LCMT1: variants seen among roughly 807,000 people sequenced by gnomAD.
The protein encoded by LCMT1 is leucine carboxyl methyltransferase 1, also known as [Phosphatase 2A protein]-leucine-carboxy methyltransferase 1.
A neutral mutation model predicts 47.7 loss-of-function variants in LCMT1; 32 were observed. That is an observed-to-expected ratio of 0.67 (90% CI 0.51 to 0.90). LCMT1 has a LOEUF of 0.90. Among genes scored for constraint, LCMT1 ranks in the 40% least tolerant of loss-of-function variants. The probability of loss-of-function intolerance (pLI) is 0.00; values close to 1 mark genes in which losing one functional copy is unlikely to be tolerated. For missense variants in LCMT1, 375 were observed against 415.2 expected, an observed-to-expected ratio of 0.90 and a Z score of 0.84; for synonymous variants, 152 against 149.7, an observed-to-expected ratio of 1.02 and a Z score of -0.11.
In LCMT1 at chr16:25,140,598, C is replaced by G. The variant is rs185661374; in HGVS notation, c.404+351C>G. On this transcript the variant is annotated intron_variant, in intron 4 of 10. Transcript: ENST00000399069. ...CTGTCTTGTTGGCTCCCTGAAGAGG[C>G]TTGCAGAGATGTTTTTATTAGCGAA... The G allele has an allele frequency of 1.3e-3, 297 of 227,830 alleles. 3 individuals are homozygous for G. Among genetic ancestry groups the G allele is most frequent in the African/African-American group, 6.4e-3 (288 of 44,872 alleles). 14.1% of individuals were successfully genotyped at this position (227,830 alleles called of 1,614,324 possible). A position where few individuals can be genotyped will look rare whatever the true frequency, so the allele number is the denominator to read the frequency against.
intron 6 of LCMT1, 68 bp from the exon 7 acceptor site, chr16:25,164,530 T>G (rs1961528667): frequency 6.2e-7 from 1 of 1,602,652 alleles, no homozygotes; most frequent in African/African-American, 1.3e-5. Flanking sequence ...TACTGCAACA[T>G]GTGTACAATT....
intron 1 of LCMT1, among the ~76,000 whole-genome samples, chr16:25,124,599 C>T (rs1480255198): frequency 6.6e-6 from 1 of 152,220 alleles, no homozygotes; most frequent in Non-Finnish European, 1.5e-5. Context: ...GTCAATGAGG[C>T]ACCAGGCTTG....
intron 4 of LCMT1, chr16:25,141,501 A>G (rs1162814403): frequency 5.9e-5 from 9 of 152,236 alleles, no homozygotes; most frequent in Admixed American, 5.9e-4. Flanking sequence ...ACATGCCACC[A>G]AGGCCACCTA....
intron 1 of LCMT1, among the ~76,000 whole-genome samples, chr16:25,113,065 C>T (rs774633436): frequency 6.4e-5 from 9 of 139,816 alleles, no homozygotes; most frequent in Non-Finnish European, 1.1e-4. Flanking sequence ...CATTTGAACC[C>T]GGGAGGCAGA....
At position 25,132,410 on chromosome 16, in the gene LCMT1, G is replaced by T; in HGVS notation, c.214G>T (p.Ala72Ser). ...KAPEINRGYF[A>S]RVHGVSQLIK... is the part of the protein sequence containing the mutation. ...CCTCCCCTCCCCCCTAGGATATTTTGCTCGAGTCCATGGTGTCAGTCAGCT... is the reference window on the plus strand; with the variant it reads ...CCTCCCCTCCCCCCTAGGATATTTTTCTCGAGTCCATGGTGTCAGTCAGCT... Residue 72 changes from alanine to serine, a missense_variant, in exon 3 of 11, where the codon GCT (alanine) becomes TCT (serine). By Grantham distance (99) the Ala-to-Ser change is moderately conservative. Coordinates refer to ENST00000399069, the MANE Select transcript of LCMT1 (RefSeq NM_016309.3). 6.2e-7 allele frequency: 1 copy of T among 1,613,568 alleles called. No individual in the cohort carries two copies. Among genetic ancestry groups the T allele is most frequent in the Non-Finnish European group, 8.5e-7 (1 of 1,179,788 alleles).
chr16:25,118,060 C>T (rs934809128), intron 1 of LCMT1, among the ~76,000 whole-genome samples: 1 of 152,180 alleles, frequency 6.6e-6, no homozygotes, highest in Non-Finnish European at 1.5e-5. Context: ...CAAATGGGCT[C>T]TCCCGATCTC....
chr16:25,147,698 A>G (rs1256108687), intron 4 of LCMT1: 1 of 151,978 alleles, frequency 6.6e-6, no homozygotes, highest in East Asian at 1.9e-4. Flanking sequence ...ATTAAAAAAA[A>G]AATTTGATTT....
At chr16:25,120,631 T>C (rs1226148288) in intron 1 of LCMT1, among the ~76,000 whole-genome samples, 1 of 151,998 alleles carries the variant, frequency 6.6e-6, no homozygotes, top group East Asian at 1.9e-4. Flanking sequence ...GGTTTCACCA[T>C]GTAGCCAGTC....
rs997503010 is a variant in LCMT1, at chr16:25,178,158, A to C, written c.*135A>C. On this transcript the variant is annotated 3_prime_UTR_variant, in exon 11 of 11. Transcript: ENST00000399069. ...ACTCTTGAGAAGCCTTGGTCACTAC[A>C]GTGGTCGCACATGTTCCTCTTCCTG... is the stretch of plus-strand genomic sequence containing the variant. 1.4e-6 allele frequency: 1 copy of C among 731,418 alleles called. No individual in the cohort carries two copies. Among genetic ancestry groups the C allele is most frequent in the Admixed American group, 2.5e-5 (1 of 40,404 alleles). 45.3% of individuals were successfully genotyped at this position (731,418 alleles called of 1,614,324 possible). A position where few individuals can be genotyped will look rare whatever the true frequency, so the allele number is the denominator to read the frequency against.
Position 25,132,417 on chromosome 16 carries a change from T to C in LCMT1, c.221T>C (p.Val74Ala), listed in dbSNP as rs1164643981. 6.2e-7 allele frequency: 1 copy of C among 1,613,626 alleles called. No homozygotes were observed. Residue 74 changes from valine (V) to alanine (A), a missense_variant, in exon 3 of 11, where the codon GTC becomes GCC. By Grantham distance (64) the Val-to-Ala change is moderately conservative. Coordinates refer to ENST00000399069, the MANE Select transcript of LCMT1 (RefSeq NM_016309.3). The part of the protein sequence containing the change: ...PEINRGYFAR[V>A]HGVSQLIKAF... ...TCCCCCCTAGGATATTTTGCTCGAG[T>C]CCATGGTGTCAGTCAGCTTATAAAG...
At chr16:25,139,918 G>C in intron 3 of LCMT1, 1 of 440,400 alleles carries the variant, frequency 2.3e-6, no homozygotes. Context: ...CCACCTGCTA[G>C]CTCAGGCTCC....
intron 1 of LCMT1, among the ~76,000 whole-genome samples, chr16:25,116,519 C>T (rs1959789721): frequency 6.6e-6 from 1 of 152,016 alleles, no homozygotes; most frequent in Non-Finnish European, 1.5e-5. Context: ...TGGGTGCCAG[C>T]CAGCTTCCAA....
At chr16:25,154,664 A>G (rs1179660589) in intron 5 of LCMT1, among the ~76,000 whole-genome samples, 13 of 151,030 alleles carry the variant, frequency 8.6e-5, no homozygotes, top group East Asian at 2.0e-4. Flanking sequence ...TTTTTTTTGT[A>G]TTTTTAGTAG....
Position 25,120,227 on chromosome 16 carries a change from TG to T in LCMT1, c.113+8232del, listed in dbSNP as rs140760135. Among the ~76,000 whole-genome samples the T allele has an allele frequency of 8.5e-3, 1,280 of 151,022 alleles. 21 individuals are homozygous for T. The highest frequency in any genetic ancestry group is 0.03 in the African/African-American group (1,227 of 40,764). Reference sequence around the variant, plus strand: ...TAAAGTGAAATTTTATGGGTTTTTTTGTTTTGTTTTTTTGAGATGGAGGTTC... The same window carrying T: ...TAAAGTGAAATTTTATGGGTTTTTTTTTTTGTTTTTTTGAGATGGAGGTTC... On this transcript the variant is annotated intron_variant, in intron 1 of 10. Transcript: ENST00000399069.
intron 9 of LCMT1, among the ~76,000 whole-genome samples, chr16:25,172,157 AT>A (rs1244236011): frequency 2.0e-5 from 3 of 152,100 alleles, no homozygotes; most frequent in Admixed American, 6.6e-5. Flanking sequence ...AATACAAAAA[AT>A]TAGCTGGGCA....
chr16:25,168,160 C>T (rs760805805), intron 7 of LCMT1, among the ~76,000 whole-genome samples: 11 of 151,276 alleles, frequency 7.3e-5, no homozygotes, highest in African/African-American at 2.2e-4. Flanking sequence ...GTGATTCTCC[C>T]GCCTCAGCCT....
chr16:25,153,963 A>G (rs1246646598), intron 5 of LCMT1, among the ~76,000 whole-genome samples: 1 of 152,164 alleles, frequency 6.6e-6, no homozygotes, highest in Non-Finnish European at 1.5e-5. Flanking sequence ...ATCCAAAAGA[A>G]AAAATTTCTA....
rs760628174 is a variant in LCMT1, at chr16:25,132,425, G to A, written c.229G>A (p.Val77Ile). The change falls in exon 3 of 11, where the codon GTC becomes ATC. Residue 77 changes from valine to isoleucine, a missense_variant. Physicochemically the swap from Val to Ile is conservative, Grantham distance 29. Transcript: ENST00000399069. Reference protein sequence around the residue: ...NRGYFARVHGVSQLIKAFLRK... With the variant: ...NRGYFARVHGISQLIKAFLRK... ...AGGATATTTTGCTCGAGTCCATGGT[G>A]TCAGTCAGCTTATAAAGGCATTTCT... 8 of 1,613,662 alleles carry A rather than the reference G, an allele frequency of 5.0e-6. No homozygotes were observed. Among genetic ancestry groups the A allele is most frequent in the Non-Finnish European group, 6.8e-6 (8 of 1,179,856 alleles).
At chr16:25,118,326 G>A (rs1257212739) in intron 1 of LCMT1, among the ~76,000 whole-genome samples, 1 of 151,998 alleles carries the variant, frequency 6.6e-6, no homozygotes, top group Non-Finnish European at 1.5e-5. Flanking sequence ...GGGCCCTGGA[G>A]CATGCCATTC....
Sources: allele counts gnomAD v4.1 joint callset (sites outside exome capture counted in the v4.1 genomes callset), GRCh38; gene constraint gnomAD v4.1.1; transcripts MANE v1.5; gene names NCBI Gene and HGNC (gene_info 2026-07-23, HGNC 2026-07-21).